CSTF1: variants seen among roughly 807,000 people sequenced by gnomAD.
CSTF1 encodes the protein CF-1 50 kDa subunit.
Under a neutral mutation model 40.9 loss-of-function variants are expected in CSTF1, and 2 were observed. That is an observed-to-expected ratio of 0.05 (90% CI 0.02 to 0.15). The LOEUF (loss-of-function observed/expected upper bound fraction) is 0.15, where lower values mean the gene tolerates loss of function less well. Among genes scored for constraint, CSTF1 ranks in the 10% least tolerant of loss-of-function variants. The pLI is 1.00. For missense variants in CSTF1, 279 were observed against 558.9 expected (o/e 0.50, Z 5.05); for synonymous variants, 218 against 207.2 (o/e 1.05, Z -0.45).
chr20:56,398,232 T>C (rs1176685060), intron 4 of CSTF1, among the ~76,000 whole-genome samples: 1 of 152,246 alleles, frequency 6.6e-6, no homozygotes, highest in African/African-American at 2.4e-5. Context: ...TGAATATGCA[T>C]TGCAGAAATA....
At chr20:56,394,153 AT>A (rs1987440818) in intron 1 of CSTF1, among the ~76,000 whole-genome samples, 1 of 152,246 alleles carries the variant, frequency 6.6e-6, no homozygotes, top group Non-Finnish European at 1.5e-5. Flanking sequence ...GTACTACTTC[AT>A]ATACTTGAAT....
chr20:56,394,686 A>G lies in CSTF1; in HGVS notation c.-32-835A>G, dbSNP rs764662935. Among the ~76,000 whole-genome samples the G allele has an allele frequency of 2.0e-4, 31 of 152,256 alleles. 1 individual carries two copies. The highest frequency in any genetic ancestry group is 2.2e-4 in the Non-Finnish European group (15 of 68,046). On this transcript the variant is annotated intron_variant, in intron 1 of 5. Coordinates refer to ENST00000217109, the MANE Select transcript of CSTF1 (RefSeq NM_001324.3). ...AATCTTGGTCCAAACATACACATACATAAAGGCATTGATTTTTGGTAAGCA... is the reference window on the plus strand; with the variant it reads ...AATCTTGGTCCAAACATACACATACGTAAAGGCATTGATTTTTGGTAAGCA...
At chr20:56,394,040 C>T (rs946729849) in intron 1 of CSTF1, among the ~76,000 whole-genome samples, 2 of 152,138 alleles carry the variant, frequency 1.3e-5, no homozygotes, top group African/African-American at 4.8e-5. Flanking sequence ...GTAACTCAGC[C>T]ACTTTTTACG....
chr20:56,393,455 C>T (rs1987383158), intron 1 of CSTF1, among the ~76,000 whole-genome samples: 1 of 152,076 alleles, frequency 6.6e-6, no homozygotes, highest in Non-Finnish European at 1.5e-5. Flanking sequence ...AGACTACCCA[C>T]TTGTGATTTT....
At chr20:56,403,046 A>G (rs1978534771) in intron 5 of CSTF1, among the ~76,000 whole-genome samples, 1 of 144,350 alleles carries the variant, frequency 6.9e-6, no homozygotes, top group Non-Finnish European at 1.5e-5. Flanking sequence ...CTCAGCATAA[A>G]GTTGGTTAAA....
rs189107639 is a variant in CSTF1, at chr20:56,403,544, C to G, written c.1113C>G (p.Pro371=). 5 of 1,613,950 alleles carry G rather than the reference C, an allele frequency of 3.1e-6. No individual in the cohort carries two copies. Among genetic ancestry groups the G allele is most frequent in the Non-Finnish European group, 2.5e-6 (3 of 1,180,004 alleles). ...ACACCGAGGACTATGTGTTGCTGCC[C>G]GACGAGAGGACGATCAGTCTTTGCT... ...FNHTEDYVLL[P]DERTISLCCW... Residue 371 remains proline (P), a synonymous_variant, in exon 6 of 6, where the codon CCC becomes CCG. Transcript: ENST00000217109.
chr20:56,395,998 T>C (rs1987508466), intron 2 of CSTF1: 2 of 300,194 alleles, frequency 6.7e-6, no homozygotes, highest in South Asian at 2.2e-4. Context: ...TTCCTTCAGA[T>C]TTTACATCAA....
In CSTF1 at chr20:56,400,000, C is replaced by T. The variant is rs1427498953; in HGVS notation, c.1036+643C>T. ...GGTTATTTGATAATGAATGTTAAAACACTGTCTTCTGTTCCTTGTAGCAGC... is the reference window on the plus strand; with the variant it reads ...GGTTATTTGATAATGAATGTTAAAATACTGTCTTCTGTTCCTTGTAGCAGC... On this transcript the variant is annotated intron_variant, in intron 5 of 5. Transcript: ENST00000217109. The surrounding 1 kb of genome is among the most constrained non-coding windows in gnomAD (Gnocchi z 4.6). Among the ~76,000 whole-genome samples the T allele has an allele frequency of 6.6e-6, 1 of 152,222 alleles. No individual in the cohort carries two copies. The highest frequency in any genetic ancestry group is 6.5e-5 in the Admixed American group (1 of 15,276).
chr20:56,403,460 T>C lies in CSTF1; in HGVS notation c.1037-8T>C, dbSNP rs1230990723. On this transcript the variant is annotated splice_region_variant and splice_polypyrimidine_tract_variant and intron_variant, in intron 5 of 5. Transcript: ENST00000217109. ...TTAGAAAGCTATCCCTCTTGCTCTC[T>C]GTGGCAGGCGCGGGTTTAAGTGGAC... 6 of 1,613,926 alleles carry C rather than the reference T, an allele frequency of 3.7e-6. No individual in the cohort carries two copies. The highest frequency in any genetic ancestry group is 5.1e-6 in the Non-Finnish European group (6 of 1,179,820).
chr20:56,400,769 G>C (rs186001183), intron 5 of CSTF1, among the ~76,000 whole-genome samples: 1 of 152,110 alleles, frequency 6.6e-6, no homozygotes, highest in Non-Finnish European at 1.5e-5. Flanking sequence ...GGCCAGGCGC[G>C]GTGGCTCACA....
At chr20:56,394,731 T>C (rs1334178711) in intron 1 of CSTF1, among the ~76,000 whole-genome samples, 1 of 152,252 alleles carries the variant, frequency 6.6e-6, no homozygotes, top group Admixed American at 6.5e-5. Context: ...GTTGAACAGT[T>C]GGAGTTCTTT....
intron 2 of CSTF1, chr20:56,396,077 T>G (rs1435876054): frequency 5.5e-6 from 1 of 180,434 alleles, no homozygotes; most frequent in African/African-American, 2.4e-5. Flanking sequence ...CCGGTTACCC[T>G]GCCATAGCGA....
rs879091865 is a variant in CSTF1 at position 56,397,592 on chromosome 20, A to C, written c.448-52A>C. ...AGTTTGCTACAGTTGTGGATTGTGCACTTGGATTCAGACACATTCTGTGCC... is the reference window on the plus strand; with the variant it reads ...AGTTTGCTACAGTTGTGGATTGTGCCCTTGGATTCAGACACATTCTGTGCC... On this transcript the variant is annotated intron_variant, in intron 3 of 5. Transcript: ENST00000217109. This position sits in a 1 kb window ranked among gnomAD's most constrained non-coding sequence, Gnocchi z 4.4. 7 of 1,602,820 alleles carry C rather than the reference A, an allele frequency of 4.4e-6. No homozygotes were observed. The South Asian group carries it at 7.7e-5, about 18-fold the overall frequency.
chr20:56,394,323 C>T (rs978121925), intron 1 of CSTF1, among the ~76,000 whole-genome samples: 2 of 152,112 alleles, frequency 1.3e-5, no homozygotes, highest in Non-Finnish European at 2.9e-5. Flanking sequence ...CAGTGGCTCG[C>T]GCCCGTAATC....
chr20:56,402,493 C>T (rs1199291665), intron 5 of CSTF1, among the ~76,000 whole-genome samples: 3 of 152,132 alleles, frequency 2.0e-5, no homozygotes, highest in African/African-American at 7.2e-5. Context: ...CATAAAAAGG[C>T]TTCCTTTTGG....
At chr20:56,395,407 C>G (rs1987487998) in intron 1 of CSTF1, 114 bp from the exon 2 acceptor site, 2 of 616,786 alleles carry the variant, frequency 3.2e-6, no homozygotes, top group Non-Finnish European at 5.5e-6. Context: ...GATAATGCAG[C>G]TAGTAGAGAT....
At chr20:56,403,072 T>A (rs1296648375) in intron 5 of CSTF1, among the ~76,000 whole-genome samples, 1 of 151,794 alleles carries the variant, frequency 6.6e-6, no homozygotes, top group Non-Finnish European at 1.5e-5. Context: ...AATAGAAAAA[T>A]ATAGTGGCAA....
intron 2 of CSTF1, among the ~76,000 whole-genome samples, chr20:56,396,293 T>A (rs1987516474): frequency 6.6e-6 from 1 of 152,218 alleles, no homozygotes; most frequent in African/African-American, 2.4e-5. Flanking sequence ...AATAAAATAT[T>A]GAATTACCAA....
At chr20:56,395,147 T>G (rs1987480153) in intron 1 of CSTF1, among the ~76,000 whole-genome samples, 1 of 152,168 alleles carries the variant, frequency 6.6e-6, no homozygotes. Context: ...CAGGTACCAG[T>G]CAATGTTTAA....
Sources: allele counts gnomAD v4.1 joint callset (sites outside exome capture counted in the v4.1 genomes callset), GRCh38; gene constraint gnomAD v4.1.1; non-coding constraint Gnocchi (gnomAD v3.1); transcripts MANE v1.5; gene names NCBI Gene and HGNC (gene_info 2026-07-23, HGNC 2026-07-21).